The following SYNE1 variants were observed in gnomAD, a reference collection of about 807,000 sequenced individuals.
The protein encoded by SYNE1 is nesprin-1.
A neutral mutation model predicts 1,111.0 loss-of-function variants in SYNE1; 616 were observed. That is an observed-to-expected ratio of 0.55 (90% CI 0.52 to 0.59). SYNE1 has a LOEUF of 0.59. Among genes scored for constraint, SYNE1 ranks in the 20% least tolerant of loss-of-function variants. The pLI, the probability that SYNE1 is intolerant of heterozygous loss-of-function variation, is 0.00. For missense variants in SYNE1, 10,006 were observed against 10,417.0 expected (o/e 0.96, Z 1.72); for synonymous variants, 3,855 against 3,825.8 (o/e 1.01, Z -0.28).
rs558679260 is a variant in SYNE1 at position 152,596,314 on chromosome 6, C to T, written c.67+31951G>A. Among the ~76,000 whole-genome samples, 4 of 143,530 alleles carry T rather than the reference C, an allele frequency of 2.8e-5. No homozygotes were observed. The South Asian group carries it at 6.5e-4, about 23-fold the overall frequency. The allele number at this position is 143,530 out of a possible 152,430, so 94.2% of individuals were successfully genotyped here. ...ATGACGTCTCACTGTGTTGCCCAGG[C>T]GATCTCAGCTCACTGAAACCTTCAC... On this transcript the variant is annotated intron_variant, in intron 3 of 145. Coordinates refer to ENST00000367255, the MANE Select transcript of SYNE1 (RefSeq NM_182961.4).
chr6:152,476,281 C>T (rs1311838843), intron 14 of SYNE1, among the ~76,000 whole-genome samples: 4 of 152,180 alleles, frequency 2.6e-5, no homozygotes, highest in South Asian at 2.1e-4. Flanking sequence ...CTCCCAAAGC[C>T]GCTTCATTGT....
At chr6:152,292,873 A>G (rs1224207441) in intron 95 of SYNE1, among the ~76,000 whole-genome samples, 2 of 152,244 alleles carry the variant, frequency 1.3e-5, no homozygotes, top group East Asian at 1.9e-4. Flanking sequence ...TGTGTGCCTC[A>G]GTATCCTTAG....
At position 152,530,236 on chromosome 6, in the gene SYNE1, T is replaced by C. The variant is rs1055155281; in HGVS notation, c.130-4061A>G. ...TTTCCTTCTCATACTTTGAGACAAC[T>C]AGTAGCCTTTCAATAGCTCTTTCTT... On this transcript the variant is annotated intron_variant, in intron 4 of 145. Transcript: ENST00000367255. Among the ~76,000 whole-genome samples, 10 of 152,216 alleles carry C rather than the reference T, an allele frequency of 6.6e-5. 1 individual carries two copies. The highest frequency in any genetic ancestry group is 5.8e-4 in the East Asian group (3 of 5,196).
intron 133 of SYNE1, among the ~76,000 whole-genome samples, chr6:152,153,504 G>T (rs1366825379): frequency 6.6e-6 from 1 of 152,116 alleles, no homozygotes; most frequent in Non-Finnish European, 1.5e-5. Flanking sequence ...TAACTATAAG[G>T]CTAACTTTTG....
At chr6:152,308,281 G>C (rs2095440914) in intron 91 of SYNE1, among the ~76,000 whole-genome samples, 2 of 152,184 alleles carry the variant, frequency 1.3e-5, no homozygotes, top group South Asian at 4.1e-4. Flanking sequence ...AACGTGTAGA[G>C]AGGTTATGGA....
At chr6:152,246,814 G>C (rs1044225250) in intron 105 of SYNE1, among the ~76,000 whole-genome samples, 2 of 152,134 alleles carry the variant, frequency 1.3e-5, no homozygotes, top group Non-Finnish European at 2.9e-5. Flanking sequence ...AATGTTTTTA[G>C]ATTCCTTAAG....
chr6:152,415,513 T>G (rs1488655271), intron 41 of SYNE1, among the ~76,000 whole-genome samples: 1 of 152,146 alleles, frequency 6.6e-6, no homozygotes, highest in African/African-American at 2.4e-5. Flanking sequence ...TCTGAACTAA[T>G]GAGCTTGCAC....
At chr6:152,575,710 C>A (rs2099493672) in intron 3 of SYNE1, among the ~76,000 whole-genome samples, 1 of 152,180 alleles carries the variant, frequency 6.6e-6, no homozygotes, top group African/African-American at 2.4e-5. Flanking sequence ...AGTTTCTCAG[C>A]CTATCAGAAC....
Position 152,154,884 on chromosome 6 carries a change from T to G in SYNE1, c.24129+8A>C. On this transcript the variant is annotated splice_region_variant and intron_variant, in intron 133 of 145. Coordinates refer to ENST00000367255, the MANE Select transcript of SYNE1 (RefSeq NM_182961.4). Reference sequence around the variant, plus strand: ...AATAAGGATTAAAAATTTGGAATTATAGATTACCTCAAATTTCTTTAGTTC... The same window carrying G: ...AATAAGGATTAAAAATTTGGAATTAGAGATTACCTCAAATTTCTTTAGTTC... The G allele has an allele frequency of 6.2e-7, 1 of 1,614,056 alleles. No homozygotes were observed. Among genetic ancestry groups the G allele is most frequent in the Non-Finnish European group, 8.5e-7 (1 of 1,179,962 alleles).
intron 55 of SYNE1, among the ~76,000 whole-genome samples, chr6:152,385,336 A>G (rs2097508348): frequency 6.6e-6 from 1 of 152,234 alleles, no homozygotes; most frequent in Non-Finnish European, 1.5e-5. Context: ...GTTAGAATAC[A>G]TTTAACTAAG....
intron 97 of SYNE1, among the ~76,000 whole-genome samples, chr6:152,280,628 G>A (rs77139401): frequency 0.013 from 1,956 of 152,142 alleles, 50 homozygotes; most frequent in African/African-American, 0.044. Context: ...GACTTTATGT[G>A]TTACAATAAA....
At chr6:152,568,305 T>TTTTTTTTTTTA in intron 3 of SYNE1, among the ~76,000 whole-genome samples, 1 of 141,156 alleles carries the variant, frequency 7.1e-6, no homozygotes. Flanking sequence ...TTTTTTTTTT[T>TTTTTTTTTTTA]TTTTTTTTTG....
rs565654658 is a variant in SYNE1, at chr6:152,409,960, C to T, written c.6231-251G>A. On this transcript the variant is annotated intron_variant, in intron 42 of 145. Transcript: ENST00000367255. ...AACTCAATGACCATTGAAACAAAAT[C>T]TATGAACTCAATGACAAAGAAGCAA... Among the ~76,000 whole-genome samples, 22 of 152,282 alleles carry T rather than the reference C, an allele frequency of 1.4e-4. No homozygotes were observed. The South Asian group carries it at 4.6e-3, about 32-fold the overall frequency.
At chr6:152,170,272 A>G (rs947361939) in intron 130 of SYNE1, among the ~76,000 whole-genome samples, 2 of 152,222 alleles carry the variant, frequency 1.3e-5, no homozygotes, top group Non-Finnish European at 2.9e-5. Context: ...AAAATCCTAG[A>G]TAAGTTGTGG....
intron 2 of SYNE1, among the ~76,000 whole-genome samples, chr6:152,629,245 T>G (rs2099692712): frequency 6.6e-6 from 1 of 152,020 alleles, no homozygotes; most frequent in Admixed American, 6.5e-5. Flanking sequence ...ACAGTCTCAC[T>G]CTGTCATCCA....
chr6:152,599,808 A>T (rs889499814), intron 3 of SYNE1, among the ~76,000 whole-genome samples: 2 of 152,244 alleles, frequency 1.3e-5, no homozygotes, highest in Admixed American at 6.5e-5. Flanking sequence ...TTATGAAATC[A>T]TATACGTATC....
chr6:152,361,580 G>A (rs13218505), intron 64 of SYNE1, among the ~76,000 whole-genome samples: 3,785 of 152,242 alleles, frequency 0.025, 99 homozygotes, highest in East Asian at 0.13. Flanking sequence ...GAATGTGAGA[G>A]GTTAAAGGAT....
chr6:152,231,034 A>G (rs1477009166), intron 114 of SYNE1, among the ~76,000 whole-genome samples: 1 of 152,198 alleles, frequency 6.6e-6, no homozygotes, highest in African/African-American at 2.4e-5. Flanking sequence ...CCTGGGCCGC[A>G]TGCAGCCCGC....
chr6:152,208,354 T>C (rs1454737087), intron 124 of SYNE1, 148 bp from the exon 125 acceptor site: 3 of 726,360 alleles, frequency 4.1e-6, no homozygotes, highest in Admixed American at 2.2e-5. Context: ...GATCTCTTAC[T>C]GGGTTTTGGG....
Sources: gnomAD v4.1 joint callset for allele counts (sites outside exome capture counted in the v4.1 genomes callset) on GRCh38, gnomAD v4.1.1 for gene constraint, MANE v1.5 for transcripts, NCBI Gene and HGNC (gene_info 2026-07-23, HGNC 2026-07-21) for gene names.